STK32B: variants seen among roughly 807,000 people sequenced by gnomAD.
STK32B encodes serine/threonine kinase 32B.
Under a neutral mutation model 52.6 loss-of-function variants are expected in STK32B, and 43 were observed. The ratio of observed to expected loss-of-function variants is 0.82; its 90% CI spans 0.64 to 1.05. STK32B has a LOEUF of 1.05. Ranked by LOEUF, STK32B falls within the 50% of genes least tolerant of loss-of-function variation. The pLI is 0.00. For synonymous variants in STK32B, 238 were observed against 204.3 expected (o/e 1.17, Z -1.41); for missense variants, 621 against 534.6 (o/e 1.16, Z -1.59).
chr4:5,053,268 G>A (rs985337192), intron 1 of STK32B, among the ~76,000 whole-genome samples: 4 of 152,280 alleles, frequency 2.6e-5, no homozygotes, highest in Middle Eastern at 3.4e-3. Flanking sequence ...GGGTCTTGGG[G>A]GCACAGAGAG....
chr4:5,437,963 T>C (rs2369706), intron 6 of STK32B: 79,952 of 985,408 alleles, frequency 0.081, 3,998 homozygotes, highest in East Asian at 0.39. Flanking sequence ...GAATGTCACC[T>C]TCTCTAGGAC....
At chr4:5,359,381 C>CTCA (rs1188076197) in intron 4 of STK32B, among the ~76,000 whole-genome samples, 726 of 71,692 alleles carry the variant, frequency 0.01, 14 homozygotes, top group African/African-American at 0.096. Context: ...TCATCCAACC[C>CTCA]TCCCTCCCTC....
intron 3 of STK32B, among the ~76,000 whole-genome samples, chr4:5,173,225 A>T (rs147607782): frequency 6.6e-6 from 1 of 151,576 alleles, no homozygotes; most frequent in Non-Finnish European, 1.5e-5. Context: ...CTTGCAGTCT[A>T]TCAATTTTGT....
chr4:5,179,956 G>T (rs931298753), intron 3 of STK32B, among the ~76,000 whole-genome samples: 1 of 152,190 alleles, frequency 6.6e-6, no homozygotes, highest in Non-Finnish European at 1.5e-5. Flanking sequence ...GACAGACCTG[G>T]CTCTGGTCAC....
chr4:5,146,927 G>T (rs1716959167), intron 2 of STK32B, among the ~76,000 whole-genome samples: 1 of 152,018 alleles, frequency 6.6e-6, no homozygotes, highest in Admixed American at 6.6e-5. Context: ...ACAAATTTTG[G>T]AGTTGCTTAT....
At chr4:5,282,616 G>C (rs979536242) in intron 3 of STK32B, among the ~76,000 whole-genome samples, 3 of 152,082 alleles carry the variant, frequency 2.0e-5, no homozygotes, top group Non-Finnish European at 4.4e-5. Flanking sequence ...TGAGGGGACT[G>C]ACACAGGCAT....
chr4:5,194,628 A>G (rs1042756830), intron 3 of STK32B, among the ~76,000 whole-genome samples: 1 of 152,124 alleles, frequency 6.6e-6, no homozygotes, highest in Admixed American at 6.5e-5. Context: ...TTCATAGTAG[A>G]ATTGTGTATT....
At chr4:5,143,475 C>T (rs1158240896) in intron 2 of STK32B, among the ~76,000 whole-genome samples, 1 of 152,170 alleles carries the variant, frequency 6.6e-6, no homozygotes, top group African/African-American at 2.4e-5. Context: ...TCCTCCTTCT[C>T]ACACTTCCTT....
chr4:5,259,551 G>A (rs1726562564), intron 3 of STK32B, among the ~76,000 whole-genome samples: 1 of 152,184 alleles, frequency 6.6e-6, no homozygotes, highest in Non-Finnish European at 1.5e-5. Flanking sequence ...TAACAGTACT[G>A]TGTCACACAG....
chr4:5,127,655 A>T (rs909798819), intron 1 of STK32B, among the ~76,000 whole-genome samples: 2 of 152,128 alleles, frequency 1.3e-5, no homozygotes, highest in Non-Finnish European at 2.9e-5. Context: ...ACAGAGACAG[A>T]CACATAAAGG....
chr4:5,200,882 A>G (rs1289037598), intron 3 of STK32B, among the ~76,000 whole-genome samples: 2 of 152,162 alleles, frequency 1.3e-5, no homozygotes, highest in Non-Finnish European at 2.9e-5. Context: ...CAGTACTTGG[A>G]AAGCTCCCCA....
intron 3 of STK32B, among the ~76,000 whole-genome samples, chr4:5,234,576 C>T (rs1383820012): frequency 6.6e-6 from 1 of 152,218 alleles, no homozygotes; most frequent in Non-Finnish European, 1.5e-5. Flanking sequence ...GGCTTATGAA[C>T]TCATTCCTTT....
In STK32B at chr4:5,362,193, T is replaced by G. The variant is rs576917552; in HGVS notation, c.434+30800T>G. ...TGGTGCTGAAAATAGACATTTTACTTGTGTTCCTCGATTTAAAGTTGGAAT... is the reference window on the plus strand; with the variant it reads ...TGGTGCTGAAAATAGACATTTTACTGGTGTTCCTCGATTTAAAGTTGGAAT... On this transcript the variant is annotated intron_variant, in intron 4 of 11. Transcript: ENST00000282908. Among the ~76,000 whole-genome samples the G allele has an allele frequency of 9.5e-4, 145 of 152,306 alleles. 1 individual carries two copies. Among genetic ancestry groups the G allele is most frequent in the African/African-American group, 3.4e-3 (142 of 41,564 alleles).
chr4:5,120,489 GCTTAA>G (rs1460269647), intron 1 of STK32B, among the ~76,000 whole-genome samples: 1 of 152,050 alleles, frequency 6.6e-6, no homozygotes, highest in Non-Finnish European at 1.5e-5. Flanking sequence ...TTCTTACTGT[GCTTAA>G]CTTATAAATT....
chr4:5,327,822 TCTC>T (rs1731977809), intron 3 of STK32B, among the ~76,000 whole-genome samples: 1 of 152,170 alleles, frequency 6.6e-6, no homozygotes. Flanking sequence ...GGCATTGACT[TCTC>T]CTCTCCAGCT....
chr4:5,043,214 T>C, the STK32B span, among the ~76,000 whole-genome samples: 3 of 152,188 alleles, frequency 2.0e-5, no homozygotes, highest in Non-Finnish European at 2.9e-5. Flanking sequence ...TCTTTTCTGT[T>C]TTCTTTTAGT....
chr4:5,200,509 C>T (rs1370014598), intron 3 of STK32B, among the ~76,000 whole-genome samples: 9 of 152,142 alleles, frequency 5.9e-5, no homozygotes, highest in African/African-American at 1.9e-4. Context: ...TCCTCCAGGT[C>T]CAGGACAGTA....
intron 1 of STK32B, among the ~76,000 whole-genome samples, chr4:5,056,564 G>C (rs1241934959): frequency 2.6e-5 from 4 of 152,238 alleles, no homozygotes; most frequent in African/African-American, 9.6e-5. Flanking sequence ...TTTATTCTCA[G>C]GCGGGCTCTC....
At chr4:5,088,007 C>T (rs573511995) in intron 1 of STK32B, among the ~76,000 whole-genome samples, 86 of 152,182 alleles carry the variant, frequency 5.7e-4, no homozygotes, top group Non-Finnish European at 1.0e-3. Context: ...TACTTAAGTG[C>T]TCATGAAACA....
Sources: allele counts gnomAD v4.1 joint callset (sites outside exome capture counted in the v4.1 genomes callset), GRCh38; gene constraint gnomAD v4.1.1; transcripts MANE v1.5; gene names NCBI Gene and HGNC (gene_info 2026-07-23, HGNC 2026-07-21).